The following FBXW8 variants were observed in gnomAD, a reference collection of about 807,000 sequenced individuals.
FBXW8 encodes F-box and WD repeat domain containing 8, also known as F-box/WD repeat-containing protein 8.
In FBXW8, 57 loss-of-function variants were observed where a neutral mutation model predicts 65.3. That is an observed-to-expected ratio of 0.87 (90% CI 0.71 to 1.09). The LOEUF (loss-of-function observed/expected upper bound fraction) is 1.09. FBXW8 is among the 50% of genes least tolerant of loss of function. The pLI, the probability that FBXW8 is intolerant of heterozygous loss-of-function variation, is 0.00. For synonymous variants in FBXW8, 308 were observed against 330.2 expected, an observed-to-expected ratio of 0.93 and a Z score of 0.73; for missense variants, 777 against 814.8, an observed-to-expected ratio of 0.95 and a Z score of 0.57.
chr12:116,952,656 A>G (rs1883363692), intron 4 of FBXW8, among the ~76,000 whole-genome samples: 1 of 152,138 alleles, frequency 6.6e-6, no homozygotes, highest in African/African-American at 2.4e-5. Context: ...TTATTATTTT[A>G]CTTAGAAATA....
intron 7 of FBXW8, among the ~76,000 whole-genome samples, chr12:116,989,366 G>A (rs943830923): frequency 2.0e-5 from 3 of 152,160 alleles, no homozygotes; most frequent in Non-Finnish European, 4.4e-5. Context: ...GCTGCTATAA[G>A]CAATGCTACA....
In FBXW8 at chr12:117,029,412, C is replaced by G. The variant is rs1316740178; in HGVS notation, c.*1240C>G. On this transcript the variant is annotated 3_prime_UTR_variant, in exon 11 of 11. Transcript: ENST00000652555. ...GGTTAATAAAAACAAACTATAAACT[C>G]TCTAGACTGGGCTGACAGTAAAAGC... The G allele has an allele frequency of 6.9e-6, 1 of 145,798 alleles. No homozygotes were observed. The highest frequency in any genetic ancestry group is 1.5e-5 in the Non-Finnish European group (1 of 65,042). The allele number at this position is 145,798 out of a possible 1,614,324, so 9.0% of individuals were successfully genotyped here.
chr12:116,946,777 A>G (rs1438736361), intron 3 of FBXW8, among the ~76,000 whole-genome samples: 2 of 152,036 alleles, frequency 1.3e-5, no homozygotes, highest in East Asian at 1.9e-4. Flanking sequence ...GGGTAGGTCC[A>G]TGTGATGCAC....
At chr12:116,922,747 A>G (rs1880999253) in intron 1 of FBXW8, among the ~76,000 whole-genome samples, 1 of 152,204 alleles carries the variant, frequency 6.6e-6, no homozygotes. Context: ...GACTTTGGGA[A>G]AATCTAGTAT....
At chr12:117,015,543 C>G (rs1006974419) in intron 8 of FBXW8, among the ~76,000 whole-genome samples, 1 of 152,128 alleles carries the variant, frequency 6.6e-6, no homozygotes, top group African/African-American at 2.4e-5. Flanking sequence ...GGGGATCTCG[C>G]AGGGAGAAGC....
chr12:116,925,339 A>T (rs1881237705), intron 1 of FBXW8, among the ~76,000 whole-genome samples: 1 of 152,154 alleles, frequency 6.6e-6, no homozygotes, highest in Non-Finnish European at 1.5e-5. Flanking sequence ...CAGCATTTTC[A>T]TCTAGGGGAA....
chr12:116,934,999 C>G (rs1386186183), intron 2 of FBXW8, among the ~76,000 whole-genome samples: 1 of 152,204 alleles, frequency 6.6e-6, no homozygotes, highest in Non-Finnish European at 1.5e-5. Context: ...AACCACTGAT[C>G]TGTTCTCCAA....
In FBXW8 at chr12:117,028,376, C is replaced by A. The variant is rs1164648608; in HGVS notation, c.*204C>A. The A allele has an allele frequency of 3.2e-6, 2 of 628,444 alleles. No individual in the cohort carries two copies. The highest frequency in any genetic ancestry group is 5.4e-6 in the Non-Finnish European group (2 of 368,792). The allele number at this position is 628,444 out of a possible 1,614,324, so 38.9% of individuals were successfully genotyped here. On this transcript the variant is annotated 3_prime_UTR_variant, in exon 11 of 11. Coordinates refer to ENST00000652555, the MANE Select transcript of FBXW8 (RefSeq NM_153348.3). The surrounding 1 kb of genome is among the most constrained non-coding windows in gnomAD (Gnocchi z 4.1). ...CTGGCGTGTGCCAGGGCTCGAGTCC[C>A]ACGTGCTGCCAACTCAAACATAGCC...
At chr12:116,938,737 A>C (rs1186267480) in intron 2 of FBXW8, among the ~76,000 whole-genome samples, 1 of 152,202 alleles carries the variant, frequency 6.6e-6, no homozygotes, top group Non-Finnish European at 1.5e-5. Context: ...GGATTTTCCT[A>C]AAGTGGGGAT....
chr12:116,955,506 C>A (rs959731265), intron 4 of FBXW8, among the ~76,000 whole-genome samples: 2 of 152,122 alleles, frequency 1.3e-5, no homozygotes, highest in Non-Finnish European at 2.9e-5. Flanking sequence ...GAAATGCTAG[C>A]GAGGTTTAGT....
At chr12:116,939,853 C>G (rs1882433722) in intron 2 of FBXW8, among the ~76,000 whole-genome samples, 1 of 152,340 alleles carries the variant, frequency 6.6e-6, no homozygotes, top group East Asian at 1.9e-4. Context: ...TGACATTGGT[C>G]TATCCCTATC....
At position 116,965,070 on chromosome 12, in the gene FBXW8, T is replaced by G. The variant is rs139141667; in HGVS notation, c.835+216T>G. 3.5e-3 allele frequency among the ~76,000 whole-genome samples: 536 copies of G among 152,338 alleles called. 9 individuals are homozygous for G. The highest frequency in any genetic ancestry group is 5.0e-3 in the East Asian group (26 of 5,188). On this transcript the variant is annotated intron_variant, in intron 5 of 10. Transcript: ENST00000652555. ...ATTGGAACACAGCACCCATTAAAAC[T>G]GGTGTTTAATTCCTACTGGAACTGT...
chr12:116,969,514 C>T (rs1257092553), intron 5 of FBXW8, among the ~76,000 whole-genome samples: 1 of 152,148 alleles, frequency 6.6e-6, no homozygotes, highest in East Asian at 1.9e-4. Context: ...TTGCTTCTTT[C>T]CAGGAGCAGC....
At chr12:116,926,377 CA>C (rs1236830725) in intron 1 of FBXW8, among the ~76,000 whole-genome samples, 2 of 151,994 alleles carry the variant, frequency 1.3e-5, no homozygotes, top group African/African-American at 2.4e-5. Flanking sequence ...CAAAATAATC[CA>C]AAAAAGAAAG....
chr12:116,955,041 G>GA lies in FBXW8; in HGVS notation c.677+5335_677+5336insA, dbSNP rs900645024. Reference sequence around the variant, plus strand: ...TTGACTTTCCCCTCTTGAAATGGGGGGGGGGGGCCCTGTATTAAGCATCTG... The same window carrying GA: ...TTGACTTTCCCCTCTTGAAATGGGGGAGGGGGGGCCCTGTATTAAGCATCTG... On this transcript the variant is annotated intron_variant, in intron 4 of 10. Transcript: ENST00000652555. 1.5e-3 allele frequency among the ~76,000 whole-genome samples: 231 copies of GA among 151,320 alleles called. 3 individuals carry two copies. The highest frequency in any genetic ancestry group is 3.0e-3 in the South Asian group (14 of 4,740).
chr12:116,992,602 C>T (rs755734014), intron 7 of FBXW8, among the ~76,000 whole-genome samples: 14 of 152,022 alleles, frequency 9.2e-5, no homozygotes, highest in Non-Finnish European at 1.9e-4. Context: ...CCACTCTGTG[C>T]CTCTGCATAC....
intron 8 of FBXW8, among the ~76,000 whole-genome samples, chr12:117,020,618 A>G (rs1954071399): frequency 6.6e-6 from 1 of 152,148 alleles, no homozygotes; most frequent in Admixed American, 6.5e-5. Context: ...CTATCTCCCA[A>G]ATTTAATTTC....
intron 7 of FBXW8, among the ~76,000 whole-genome samples, chr12:117,002,032 C>T (rs1349076452): frequency 6.6e-6 from 1 of 152,200 alleles, no homozygotes; most frequent in African/African-American, 2.4e-5. Context: ...GATTTGTACC[C>T]GAGTGTACTC....
chr12:116,969,562 G>A (rs879747590), intron 5 of FBXW8, among the ~76,000 whole-genome samples: 6 of 152,200 alleles, frequency 3.9e-5, no homozygotes, highest in Non-Finnish European at 5.9e-5. Context: ...GACAAAAAAA[G>A]GAATTTTACC....
Sources: allele counts gnomAD v4.1 joint callset (sites outside exome capture counted in the v4.1 genomes callset), GRCh38; gene constraint gnomAD v4.1.1; non-coding constraint Gnocchi (gnomAD v3.1); transcripts MANE v1.5; gene names NCBI Gene and HGNC (gene_info 2026-07-23, HGNC 2026-07-21).